Variants in SNAP25 observed in about 807,000 individuals in gnomAD.
SNAP25 encodes synaptosomal-associated protein 25.
Under a neutral mutation model 28.7 loss-of-function variants are expected in SNAP25, and 3 were observed. The observed-to-expected ratio is 0.10, with a 90% CI of 0.05 to 0.27. SNAP25 has a LOEUF of 0.27. SNAP25 is among the 10% of genes least tolerant of loss of function. The pLI is 1.00. For missense variants in SNAP25, 117 were observed against 278.7 expected (o/e 0.42, Z 4.13); for synonymous variants, 61 against 88.1 (o/e 0.69, Z 1.72).
intron 1 of SNAP25, among the ~76,000 whole-genome samples, chr20:10,271,643 G>A (rs1211741865): frequency 6.6e-6 from 1 of 152,224 alleles, no homozygotes; most frequent in East Asian, 1.9e-4. Context: ...GCGCCCTACA[G>A]CTGTTCTTCA....
intron 1 of SNAP25, among the ~76,000 whole-genome samples, chr20:10,261,153 GCTAAATACC>G (rs2122889231): frequency 6.6e-6 from 1 of 152,166 alleles, no homozygotes; most frequent in Admixed American, 6.5e-5. Context: ...TTTTCTCCAA[GCTAAATACC>G]CTCATACCCT....
chr20:10,261,695 C>T (rs1356215559), intron 1 of SNAP25, among the ~76,000 whole-genome samples: 1 of 151,984 alleles, frequency 6.6e-6, no homozygotes, highest in Non-Finnish European at 1.5e-5. Context: ...TTGAAAGGTG[C>T]GTTAAAATCA....
chr20:10,229,923 A>G (rs2062798787), intron 1 of SNAP25, among the ~76,000 whole-genome samples: 1 of 152,164 alleles, frequency 6.6e-6, no homozygotes, highest in South Asian at 2.1e-4. Context: ...AAAGATTACA[A>G]CCAGCAACCA....
At chr20:10,301,241 A>G (rs900795989) in intron 7 of SNAP25, among the ~76,000 whole-genome samples, 4 of 152,316 alleles carry the variant, frequency 2.6e-5, no homozygotes, top group African/African-American at 9.6e-5. Flanking sequence ...CCAGTGTACT[A>G]TAAAGACAGA....
chr20:10,252,918 G>GAAA (rs572798522), intron 1 of SNAP25, among the ~76,000 whole-genome samples: 1 of 143,690 alleles, frequency 7.0e-6, no homozygotes, highest in Admixed American at 7.0e-5. Flanking sequence ...TTCTCCATCT[G>GAAA]AAAAAAAAAA....
At chr20:10,239,412 G>A (rs1188906972) in intron 1 of SNAP25, among the ~76,000 whole-genome samples, 1 of 152,202 alleles carries the variant, frequency 6.6e-6, no homozygotes, top group Non-Finnish European at 1.5e-5. Context: ...TGGACAGAGT[G>A]GGCATTCATC....
At chr20:10,283,454 A>G (rs950578324) in intron 3 of SNAP25, among the ~76,000 whole-genome samples, 1 of 152,168 alleles carries the variant, frequency 6.6e-6, no homozygotes, top group African/African-American at 2.4e-5. Flanking sequence ...TCCATACTAC[A>G]TCCTGACTTT....
chr20:10,255,482 C>T (rs899830432), intron 1 of SNAP25, among the ~76,000 whole-genome samples: 1 of 152,270 alleles, frequency 6.6e-6, no homozygotes, highest in East Asian at 1.9e-4. Flanking sequence ...CAATTTATTT[C>T]CTCTGCCAAC....
chr20:10,251,011 A>G (rs6077701), intron 1 of SNAP25, among the ~76,000 whole-genome samples: 5,876 of 152,252 alleles, frequency 0.039, 176 homozygotes, highest in Admixed American at 0.084. Flanking sequence ...AAATCACCTA[A>G]TGACGCATTT....
chr20:10,292,125 C>G (rs2064010990), intron 4 of SNAP25, among the ~76,000 whole-genome samples: 1 of 152,178 alleles, frequency 6.6e-6, no homozygotes, highest in Admixed American at 6.5e-5. Context: ...TCCCTGCTCT[C>G]TGCCTGGGCT....
At chr20:10,264,937 T>C (rs1421786672) in intron 1 of SNAP25, among the ~76,000 whole-genome samples, 1 of 149,990 alleles carries the variant, frequency 6.7e-6, no homozygotes, top group South Asian at 2.1e-4. Flanking sequence ...TTTTTTTTTT[T>C]CTGAGATGGA....
intron 1 of SNAP25, among the ~76,000 whole-genome samples, chr20:10,263,164 G>C (rs2063449024): frequency 6.6e-6 from 1 of 151,782 alleles, no homozygotes; most frequent in Non-Finnish European, 1.5e-5. Context: ...AACTACAGGC[G>C]CCCGCCACCA....
At chr20:10,257,879 T>A (rs2063347476) in intron 1 of SNAP25, among the ~76,000 whole-genome samples, 1 of 100,470 alleles carries the variant, frequency 1.0e-5, no homozygotes, top group African/African-American at 4.2e-5. Flanking sequence ...TGAGACTCTG[T>A]CTCAAAAAAA....
At chr20:10,237,176 C>T (rs1260851574) in intron 1 of SNAP25, among the ~76,000 whole-genome samples, 1 of 151,968 alleles carries the variant, frequency 6.6e-6, no homozygotes, top group Admixed American at 6.6e-5. Context: ...CACTCATGAG[C>T]AGTTTGCCAG....
At chr20:10,292,594 C>T (rs975652117) in intron 4 of SNAP25, among the ~76,000 whole-genome samples, 2 of 152,010 alleles carry the variant, frequency 1.3e-5, no homozygotes, top group Non-Finnish European at 1.5e-5. Flanking sequence ...TTCACTGGTG[C>T]CTGAGTAAGC....
In SNAP25 at chr20:10,306,115, TC is replaced by T; in HGVS notation, c.553-9del. ...GGGGTAACCTGAGTTCTGTTTCTTT[TC>T]CCCCTTTTCTAGGCTGATTCCAACA... On this transcript the variant is annotated splice_polypyrimidine_tract_variant and intron_variant, in intron 7 of 7. Transcript: ENST00000254976. The T allele has an allele frequency of 6.2e-7, 1 of 1,612,902 alleles. No individual in the cohort carries two copies. The highest frequency in any genetic ancestry group is 8.5e-7 in the Non-Finnish European group (1 of 1,179,420).
intron 3 of SNAP25, among the ~76,000 whole-genome samples, chr20:10,282,496 G>A (rs930844120): frequency 1.3e-5 from 2 of 152,270 alleles, no homozygotes; most frequent in South Asian, 4.2e-4. Context: ...TTAGTTGCGT[G>A]AATCATTCTA....
At chr20:10,297,071 A>G in intron 6 of SNAP25, 21 bp downstream of exon 6, 1 of 1,540,388 alleles carries the variant, frequency 6.5e-7, no homozygotes, top group East Asian at 2.3e-5. Flanking sequence ...TGCAGCATAC[A>G]CTGTAGCAGT....
intron 4 of SNAP25, among the ~76,000 whole-genome samples, chr20:10,285,938 A>T (rs1175527873): frequency 6.6e-6 from 1 of 152,252 alleles, no homozygotes; most frequent in Non-Finnish European, 1.5e-5. Context: ...AGAAACTCCT[A>T]TTCCACAGTT....
Sources: allele counts gnomAD v4.1 joint callset (sites outside exome capture counted in the v4.1 genomes callset), GRCh38; gene constraint gnomAD v4.1.1; transcripts MANE v1.5; gene names NCBI Gene and HGNC (gene_info 2026-07-23, HGNC 2026-07-21).